SDC2: variants seen among roughly 807,000 people sequenced by gnomAD.
SDC2 encodes the protein syndecan 2.
A neutral mutation model predicts 22.2 loss-of-function variants in SDC2; 13 were observed. That is an observed-to-expected ratio of 0.59 (90% confidence interval 0.38 to 0.93). The LOEUF is 0.93. Ranked by LOEUF, SDC2 falls within the 40% of genes least tolerant of loss-of-function variation. The probability of loss-of-function intolerance (pLI) is 0.00; values close to 1 mark genes in which losing one functional copy is unlikely to be tolerated. For synonymous variants in SDC2, 94 were observed against 92.8 expected (o/e 1.01, Z -0.07); for missense variants, 235 against 246.8 (o/e 0.95, Z 0.32).
intron 1 of SDC2, among the ~76,000 whole-genome samples, chr8:96,511,359 C>A (rs1448828705): frequency 4.6e-5 from 7 of 152,146 alleles, no homozygotes; most frequent in Admixed American, 4.6e-4. Context: ...GTGGGCATCA[C>A]CTGGGAGCTC....
intron 1 of SDC2, among the ~76,000 whole-genome samples, chr8:96,573,503 A>G (rs950206418): frequency 6.6e-6 from 1 of 152,008 alleles, no homozygotes; most frequent in African/African-American, 2.4e-5. Context: ...ATGTAAAGTG[A>G]TAACAGCACC....
chr8:96,546,213 T>G (rs1813930109), intron 1 of SDC2, among the ~76,000 whole-genome samples: 1 of 152,194 alleles, frequency 6.6e-6, no homozygotes, highest in South Asian at 2.1e-4. Flanking sequence ...CTGGTCTAGT[T>G]GGAGGATGTG....
Position 96,508,685 on chromosome 8 carries a change from C to A in SDC2, c.60+14354C>A, listed in dbSNP as rs1400882881. ...TAGATAGGCATTTTCCATTCATTGT[C>A]TATAACTGTCTCACAACTGCTAGGC... On this transcript the variant is annotated intron_variant, in intron 1 of 4. Coordinates refer to ENST00000302190, the MANE Select transcript of SDC2 (RefSeq NM_002998.4). Among the ~76,000 whole-genome samples the A allele has an allele frequency of 1.4e-5, 2 of 141,690 alleles. 1 individual carries two copies. The allele number at this position is 141,690 out of a possible 152,430, so 93.0% of individuals were successfully genotyped here. A position where few individuals can be genotyped will look rare whatever the true frequency, so the allele number is the denominator to read the frequency against.
At chr8:96,533,305 C>T (rs1282885927) in intron 1 of SDC2, among the ~76,000 whole-genome samples, 1 of 152,176 alleles carries the variant, frequency 6.6e-6, no homozygotes. Flanking sequence ...CACCCACATC[C>T]TGTTGATTGG....
chr8:96,584,414 A>G lies in SDC2; in HGVS notation c.61-9066A>G, dbSNP rs902663639. Among the ~76,000 whole-genome samples, 17 of 152,234 alleles carry G rather than the reference A, an allele frequency of 1.1e-4. 1 individual carries two copies. Among genetic ancestry groups the G allele is most frequent in the African/African-American group, 4.1e-4 (17 of 41,464 alleles). ...GAATTGTAGCAGTTGAAAAACCCTT[A>G]AAGTGAATTATTAAATCTAAACCAG... On this transcript the variant is annotated intron_variant, in intron 1 of 4. Transcript: ENST00000302190.
intron 3 of SDC2, among the ~76,000 whole-genome samples, chr8:96,607,548 C>T (rs755701251): frequency 1.3e-5 from 2 of 152,148 alleles, no homozygotes; most frequent in Non-Finnish European, 2.9e-5. Flanking sequence ...TTAGACTTGA[C>T]GAGTAGAGTT....
rs1481198542 is a variant in SDC2 at position 96,576,368 on chromosome 8, G to GTTTTTTTTTTTTTT, written c.61-17107_61-17106insTTTTTTTTTTTTTT. ...ACATAAGTTCAATAATTGGTAGTTTGTTTTTGTTTTGTTTTGTTTTTTTTT... is the reference window on the plus strand; with the variant it reads ...ACATAAGTTCAATAATTGGTAGTTTGTTTTTTTTTTTTTTTTTTTGTTTTGTTTTGTTTTTTTTT... On this transcript the variant is annotated intron_variant, in intron 1 of 4. Coordinates refer to ENST00000302190, the MANE Select transcript of SDC2 (RefSeq NM_002998.4). Among the ~76,000 whole-genome samples, 16 of 16,606 alleles carry GTTTTTTTTTTTTTT rather than the reference G, an allele frequency of 9.6e-4. 2 individuals are homozygous for GTTTTTTTTTTTTTT. The highest frequency in any genetic ancestry group is 1.7e-3 in the African/African-American group (14 of 8,012). The allele number at this position is 16,606 out of a possible 152,430, so 10.9% of individuals were successfully genotyped here. A position where few individuals can be genotyped will look rare whatever the true frequency, so the allele number is the denominator to read the frequency against.
chr8:96,524,111 T>C (rs920915688), intron 1 of SDC2, among the ~76,000 whole-genome samples: 8 of 152,208 alleles, frequency 5.3e-5, no homozygotes, highest in Non-Finnish European at 8.8e-5. Flanking sequence ...TGGGAAACTA[T>C]GTGTGGAATG....
chr8:96,598,722 G>A (rs145995612), intron 2 of SDC2, among the ~76,000 whole-genome samples: 2 of 152,240 alleles, frequency 1.3e-5, no homozygotes, highest in African/African-American at 2.4e-5. Context: ...CAGAGAGGGG[G>A]TGATATTGAT....
intron 1 of SDC2, among the ~76,000 whole-genome samples, chr8:96,587,613 G>T (rs1203312249): frequency 6.6e-6 from 1 of 152,120 alleles, no homozygotes; most frequent in Non-Finnish European, 1.5e-5. Flanking sequence ...TTCCATGTAG[G>T]AAATTTGAGG....
At chr8:96,508,169 G>A (rs1027318493) in intron 1 of SDC2, among the ~76,000 whole-genome samples, 9 of 151,976 alleles carry the variant, frequency 5.9e-5, no homozygotes, top group East Asian at 3.9e-4. Context: ...GGGGGCGGGC[G>A]CCTGTGGTCC....
chr8:96,550,947 T>C (rs1039929675), intron 1 of SDC2, among the ~76,000 whole-genome samples: 4 of 152,126 alleles, frequency 2.6e-5, no homozygotes, highest in African/African-American at 7.2e-5. Flanking sequence ...GTAGTCTTTG[T>C]GATCATCTGA....
chr8:96,576,333 A>G (rs1586309393), intron 1 of SDC2, among the ~76,000 whole-genome samples: 1 of 145,144 alleles, frequency 6.9e-6, no homozygotes, highest in Non-Finnish European at 1.5e-5. Context: ...AGCATAGGAC[A>G]ATATTCTCCA....
intron 1 of SDC2, among the ~76,000 whole-genome samples, chr8:96,545,271 C>T (rs906908395): frequency 5.9e-5 from 9 of 152,158 alleles, no homozygotes; most frequent in East Asian, 3.9e-4. Flanking sequence ...ATGTAACCTT[C>T]GGTTTTTAAA....
At chr8:96,504,924 G>A (rs1813217331) in intron 1 of SDC2, among the ~76,000 whole-genome samples, 1 of 151,984 alleles carries the variant, frequency 6.6e-6, no homozygotes, top group African/African-American at 2.4e-5. Flanking sequence ...GTAGGTAAAG[G>A]AAAATTACAG....
intron 1 of SDC2, among the ~76,000 whole-genome samples, chr8:96,558,172 C>T (rs560896414): frequency 9.2e-5 from 14 of 151,962 alleles, no homozygotes; most frequent in Non-Finnish European, 1.5e-4. Context: ...AGGGTTCAGA[C>T]ATGCTGCTTT....
chr8:96,582,569 A>T (rs1355388138), intron 1 of SDC2, among the ~76,000 whole-genome samples: 1 of 152,166 alleles, frequency 6.6e-6, no homozygotes, highest in Non-Finnish European at 1.5e-5. Flanking sequence ...TGCAAGTGTC[A>T]TTTTCTTCAT....
At chr8:96,508,331 A>ATAT (rs1813277329) in intron 1 of SDC2, among the ~76,000 whole-genome samples, 1 of 118,422 alleles carries the variant, frequency 8.4e-6, no homozygotes, top group Non-Finnish European at 1.9e-5. Flanking sequence ...AATAATAATA[A>ATAT]TAATAATAAT....
intron 1 of SDC2, among the ~76,000 whole-genome samples, chr8:96,520,450 A>G (rs1813479320): frequency 1.3e-5 from 2 of 152,304 alleles, no homozygotes; most frequent in Middle Eastern, 3.4e-3. Flanking sequence ...GAGGAGCAGT[A>G]ATAATTCATT....
Sources: gnomAD v4.1 joint callset for allele counts (sites outside exome capture counted in the v4.1 genomes callset) on GRCh38, gnomAD v4.1.1 for gene constraint, MANE v1.5 for transcripts, NCBI Gene and HGNC (gene_info 2026-07-23, HGNC 2026-07-21) for gene names.